The following SDR42E2 variants were observed in gnomAD, a reference collection of about 807,000 sequenced individuals.
The protein encoded by SDR42E2 is putative short-chain dehydrogenase/reductase family 42E member 2.
In SDR42E2, 20 loss-of-function variants were observed where a neutral mutation model predicts 10.5. That is an observed-to-expected ratio of 1.90 (90% CI 1.34 to 2.77). The LOEUF is 2.77. SDR42E2 is among the 30% of genes most tolerant of loss of function. The pLI, the probability that SDR42E2 is intolerant of heterozygous loss-of-function variation, is 0.00. For missense variants in SDR42E2, 162 were observed against 104.2 expected (o/e 1.55, Z -2.42); for synonymous variants, 72 against 39.2 (o/e 1.84, Z -3.12).
chr16:22,179,387 T>C (rs762757156), intron 8 of SDR42E2, among the ~76,000 whole-genome samples: 2 of 152,176 alleles, frequency 1.3e-5, no homozygotes, highest in Non-Finnish European at 2.9e-5. Flanking sequence ...AACGAATACT[T>C]ACGAACTCCT....
chr16:22,185,715 C>T (rs948125641), intron 11 of SDR42E2, among the ~76,000 whole-genome samples: 1 of 152,066 alleles, frequency 6.6e-6, no homozygotes, highest in Non-Finnish European at 1.5e-5. Context: ...TCAAGCAATT[C>T]TCTGCCTCAG....
intron 10 of SDR42E2, among the ~76,000 whole-genome samples, chr16:22,183,784 G>A (rs2046715164): frequency 6.6e-6 from 1 of 152,126 alleles, no homozygotes; most frequent in African/African-American, 2.4e-5. Flanking sequence ...ATTAAATGAT[G>A]TGAATGATCC....
At position 22,191,294 on chromosome 16, in the gene SDR42E2, C is replaced by T. The variant is rs1056272547; in HGVS notation, c.*901C>T. 2 of 152,346 alleles carry T rather than the reference C, an allele frequency of 1.3e-5. No homozygotes were observed. Among genetic ancestry groups the T allele is most frequent in the African/African-American group, 4.8e-5 (2 of 41,240 alleles). 9.4% of individuals were successfully genotyped at this position (152,346 alleles called of 1,614,324 possible). A position where few individuals can be genotyped will look rare whatever the true frequency, so the allele number is the denominator to read the frequency against. On this transcript the variant is annotated 3_prime_UTR_variant, in exon 13 of 13. Transcript: ENST00000602312. ...CTTTTGGGTCTGTCCTTGCTCCTGC[C>T]TCTGGACCCGGTCCCGCCCTTCTCG...
Position 22,190,267 on chromosome 16 carries a change from C to G in SDR42E2, c.1143C>G (p.Pro381=). Reference sequence around the variant, plus strand: ...ACGTGCAGTCCACGACCCGGCGGCCCCGCGGCTCCACGGCGCGGACCCTCC... The same window carrying G: ...ACGTGCAGTCCACGACCCGGCGGCCGCGCGGCTCCACGGCGCGGACCCTCC... ...ELYVQSTTRR[P]RGSTARTLLR... is the part of the protein sequence containing the mutation. The change falls in exon 13 of 13, where the codon CCC becomes CCG. Residue 381 remains proline (P), a synonymous_variant. Transcript: ENST00000602312. 2.5e-6 allele frequency: 1 copy of G among 401,400 alleles called. No homozygotes were observed. Among genetic ancestry groups the G allele is most frequent in the South Asian group, 1.2e-4 (1 of 8,114 alleles). 24.9% of individuals were successfully genotyped at this position (401,400 alleles called of 1,614,324 possible). A position where few individuals can be genotyped will look rare whatever the true frequency, so the allele number is the denominator to read the frequency against.
intron 10 of SDR42E2, among the ~76,000 whole-genome samples, chr16:22,183,883 C>A (rs935469523): frequency 1.3e-5 from 2 of 150,910 alleles, no homozygotes; most frequent in Admixed American, 6.6e-5. Flanking sequence ...TCACATGAGG[C>A]CAGGAGTTCA....
At chr16:22,171,895 A>C (rs2142065498) in intron 6 of SDR42E2, among the ~76,000 whole-genome samples, 1 of 152,312 alleles carries the variant, frequency 6.6e-6, no homozygotes, top group South Asian at 2.1e-4. Context: ...AGAGCAGGAA[A>C]TAAGATAACC....
intron 7 of SDR42E2, among the ~76,000 whole-genome samples, chr16:22,174,019 T>C (rs2046623295): frequency 6.6e-6 from 1 of 150,854 alleles, no homozygotes; most frequent in Non-Finnish European, 1.5e-5. Flanking sequence ...CAGGTGGATT[T>C]GGAGAGTCGG....
intron 12 of SDR42E2, 130 bp from the exon 13 acceptor site, chr16:22,190,009 G>A (rs1334556695): frequency 2.5e-6 from 1 of 399,554 alleles, no homozygotes; most frequent in African/African-American, 2.1e-5. Context: ...CGCTGCACTC[G>A]GGTCCTTTTA....
chr16:22,171,036 G>A (rs374619063), intron 6 of SDR42E2, 85 bp downstream of exon 6: 29 of 694,952 alleles, frequency 4.2e-5, no homozygotes, highest in South Asian at 2.4e-4. Context: ...AAGCAGGGTT[G>A]GTTTCACAAC....
At chr16:22,165,317 G>A (rs866629885) in intron 1 of SDR42E2, among the ~76,000 whole-genome samples, 17 of 152,182 alleles carry the variant, frequency 1.1e-4, no homozygotes, top group Middle Eastern at 6.8e-3. Context: ...CCAACTCCTG[G>A]CCTCAAGTGA....
intron 10 of SDR42E2, among the ~76,000 whole-genome samples, chr16:22,183,751 G>A (rs1441614677): frequency 1.3e-5 from 2 of 152,118 alleles, no homozygotes; most frequent in East Asian, 3.8e-4. Flanking sequence ...AGTGTCTCTA[G>A]GTATAGACAG....
intron 7 of SDR42E2, among the ~76,000 whole-genome samples, chr16:22,172,967 G>A (rs934916227): frequency 1.3e-5 from 2 of 152,072 alleles, no homozygotes; most frequent in Non-Finnish European, 2.9e-5. Context: ...TTTTTGTAGA[G>A]ATGGGGTCTC....
intron 7 of SDR42E2, among the ~76,000 whole-genome samples, chr16:22,177,656 A>AAAAAGG (rs572353199): frequency 4.5e-4 from 68 of 152,032 alleles, no homozygotes; most frequent in African/African-American, 1.4e-3. Context: ...AAAGAAAAAG[A>AAAAAGG]AAAAGGAAAA....
intron 12 of SDR42E2, among the ~76,000 whole-genome samples, chr16:22,189,553 GT>G (rs2046756593): frequency 6.6e-6 from 1 of 152,178 alleles, no homozygotes; most frequent in Admixed American, 6.5e-5. Context: ...CTTCAAACCA[GT>G]GGGCCCCAAG....
chr16:22,165,894 T>G (rs1245649521), intron 2 of SDR42E2, among the ~76,000 whole-genome samples: 27 of 127,040 alleles, frequency 2.1e-4, no homozygotes, highest in African/African-American at 3.1e-4. Context: ...CCGTACCTGG[T>G]CTAGGAGCTA....
intron 6 of SDR42E2, 109 bp from the exon 7 acceptor site, chr16:22,172,147 A>G: frequency 1.5e-6 from 1 of 678,592 alleles, no homozygotes; most frequent in Non-Finnish European, 2.7e-6. Flanking sequence ...GGGCCTGGCC[A>G]TATCCCAGTG....
intron 4 of SDR42E2, among the ~76,000 whole-genome samples, chr16:22,167,534 C>T (rs1374635191): frequency 2.0e-5 from 3 of 152,084 alleles, no homozygotes; most frequent in Non-Finnish European, 4.4e-5. Flanking sequence ...TTTATTTAAC[C>T]TCTTTGATCC....
At chr16:22,174,983 G>A (rs890839013) in intron 7 of SDR42E2, among the ~76,000 whole-genome samples, 5 of 152,062 alleles carry the variant, frequency 3.3e-5, no homozygotes, top group African/African-American at 9.7e-5. Context: ...CTATCCAAGC[G>A]GGTTCCTGAA....
At position 22,181,617 on chromosome 16, in the gene SDR42E2, G is replaced by A. The variant is rs2046695552; in HGVS notation, c.771G>A (p.Leu257=). 1 of 703,038 alleles carries A rather than the reference G, an allele frequency of 1.4e-6. No homozygotes were observed. Among genetic ancestry groups the A allele is most frequent in the Middle Eastern group, 2.3e-4 (1 of 4,370 alleles). 43.5% of individuals were successfully genotyped at this position (703,038 alleles called of 1,614,324 possible). A position where few individuals can be genotyped will look rare whatever the true frequency, so the allele number is the denominator to read the frequency against. Residue 257 remains leucine (L), a synonymous_variant, in exon 9 of 13, where the codon CTG becomes CTA. Coordinates refer to ENST00000602312, the MANE Select transcript of SDR42E2 (RefSeq NM_001394319.2). ...ACAATCTGGTGCAGGCACACGTGCT[G>A]GCGGCCGAGGCCCTCACCACGGCCA... ...HVHNLVQAHV[L]AAEALTTAKG...
Sources: gnomAD v4.1 joint callset for allele counts (sites outside exome capture counted in the v4.1 genomes callset) on GRCh38, gnomAD v4.1.1 for gene constraint, MANE v1.5 for transcripts, NCBI Gene and HGNC (gene_info 2026-07-23, HGNC 2026-07-21) for gene names.